CPEB4: variants seen among roughly 807,000 people sequenced by gnomAD.
The protein encoded by CPEB4 is cytoplasmic polyadenylation element-binding protein 4.
In CPEB4, 12 loss-of-function variants were observed where a neutral mutation model predicts 72.5. That is an observed-to-expected ratio of 0.17 (90% confidence interval 0.11 to 0.27). CPEB4 has a LOEUF of 0.27. Among genes scored for constraint, CPEB4 ranks in the 10% least tolerant of loss-of-function variants. CPEB4 has a pLI of 1.00. For missense variants in CPEB4, 614 were observed against 908.5 expected (o/e 0.68, Z 4.17); for synonymous variants, 302 against 326.3 (o/e 0.93, Z 0.80).
intron 2 of CPEB4, among the ~76,000 whole-genome samples, chr5:173,921,085 T>A (rs1757056141): frequency 6.6e-6 from 1 of 152,234 alleles, no homozygotes; most frequent in African/African-American, 2.4e-5. Flanking sequence ...ATGTCACTTG[T>A]GTATGCATGA....
intron 3 of CPEB4, among the ~76,000 whole-genome samples, chr5:173,939,075 C>G (rs940925470): frequency 1.3e-5 from 2 of 152,058 alleles, no homozygotes; most frequent in African/African-American, 4.8e-5. Context: ...ATTTCTTGAG[C>G]CCAGGAGTTG....
In CPEB4 at chr5:173,900,327, C is replaced by T. The variant is rs921033788; in HGVS notation, c.1125+9469C>T. 6.6e-6 allele frequency among the ~76,000 whole-genome samples: 1 copy of T among 152,084 alleles called. No individual in the cohort carries two copies. Among genetic ancestry groups the T allele is most frequent in the Non-Finnish European group, 1.5e-5 (1 of 68,008 alleles). On this transcript the variant is annotated intron_variant, in intron 1 of 9. Coordinates refer to ENST00000265085, the MANE Select transcript of CPEB4 (RefSeq NM_030627.4). This position sits in a 1 kb window ranked among gnomAD's most constrained non-coding sequence, Gnocchi z 4.4. ...GGCTGAGGCAGAATAATCACTTGAA[C>T]CCAGGAGGCAGAGGTTGCAGTGAGC... is the stretch of plus-strand genomic sequence containing the variant.
chr5:173,914,545 C>T (rs1002595657), intron 2 of CPEB4, among the ~76,000 whole-genome samples: 1 of 152,152 alleles, frequency 6.6e-6, no homozygotes, highest in Non-Finnish European at 1.5e-5. Flanking sequence ...CACCTGAGGT[C>T]AGGAGTTCGA....
In CPEB4 at chr5:173,949,979, T is replaced by C; in HGVS notation, c.1566T>C (p.Phe522=). 1.2e-6 allele frequency: 2 copies of C among 1,609,216 alleles called. No homozygotes were observed. The highest frequency in any genetic ancestry group is 1.7e-6 in the Non-Finnish European group (2 of 1,178,146). Residue 522 remains phenylalanine, a synonymous_variant, in exon 7 of 10, where the codon TTT becomes TTC. Coordinates refer to ENST00000265085, the MANE Select transcript of CPEB4 (RefSeq NM_030627.4). ...FPPKGYAFLL[F]QDESSVQALI... ...TTCCAGGCTATGCATTCCTGCTGTTTCAAGATGAAAGCTCTGTGCAGGCTC... is the reference window on the plus strand; with the variant it reads ...TTCCAGGCTATGCATTCCTGCTGTTCCAAGATGAAAGCTCTGTGCAGGCTC...
intron 1 of CPEB4, among the ~76,000 whole-genome samples, chr5:173,898,451 G>A (rs906919771): frequency 1.3e-5 from 2 of 152,232 alleles, no homozygotes; most frequent in African/African-American, 4.8e-5. Context: ...TTAGCTATGT[G>A]ACCTAGGCAA....
At chr5:173,931,059 G>A (rs576694187) in intron 2 of CPEB4, among the ~76,000 whole-genome samples, 1 of 152,066 alleles carries the variant, frequency 6.6e-6, no homozygotes, top group South Asian at 2.1e-4. Flanking sequence ...TCAAGTTTTG[G>A]ATATGGATTA....
rs764887099 is a variant in CPEB4, at chr5:173,950,030, T to C, written c.1617T>C (p.Asp539=). 1.9e-6 allele frequency: 3 copies of C among 1,612,338 alleles called. No homozygotes were observed. Among genetic ancestry groups the C allele is most frequent in the East Asian group, 2.2e-5 (1 of 44,796 alleles). The change falls in exon 7 of 10, where the codon GAT becomes GAC. Residue 539 remains aspartate (D), a synonymous_variant. Coordinates refer to ENST00000265085, the MANE Select transcript of CPEB4 (RefSeq NM_030627.4). This position sits in a 1 kb window ranked among gnomAD's most constrained non-coding sequence, Gnocchi z 5.0. ...TCATTGATGCATGCATTGAAGAAGA[T>C]GGAAAACTCTACCTTTGTGTATCAA... The part of the protein sequence containing the change: ...QALIDACIEE[D]GKLYLCVSSP...
At chr5:173,949,884 G>C in intron 6 of CPEB4, 76 bp from the exon 7 acceptor site, 1 of 976,700 alleles carries the variant, frequency 1.0e-6, no homozygotes, top group Non-Finnish European at 1.6e-6. Flanking sequence ...CTTTAGTTTT[G>C]TGCATGATTC....
chr5:173,938,225 T>C (rs963232234), intron 3 of CPEB4, among the ~76,000 whole-genome samples: 2 of 152,170 alleles, frequency 1.3e-5, no homozygotes, highest in African/African-American at 4.8e-5. Context: ...GGTTGTTTTG[T>C]TTTGTTTTGT....
chr5:173,890,760 A>G lies in CPEB4; in HGVS notation c.1027A>G (p.Ile343Val), dbSNP rs764443085. 16 of 1,614,202 alleles carry G rather than the reference A, an allele frequency of 9.9e-6. No individual in the cohort carries two copies. The highest frequency in any genetic ancestry group is 1.4e-5 in the Non-Finnish European group (16 of 1,180,030). Reference sequence around the variant, plus strand: ...GAAGAAAAATTTTGCAAGCAATCATATTCAGCTCCAGAAGTATGCTCGCCC... The same window carrying G: ...GAAGAAAAATTTTGCAAGCAATCATGTTCAGCTCCAGAAGTATGCTCGCCC... ...PLKKNFASNH[I>V]QLQKYARPSS... is the part of the protein sequence containing the mutation. Residue 343 changes from isoleucine (I) to valine (V), a missense_variant, in exon 1 of 10, where the codon ATT becomes GTT. By Grantham distance (29) the Ile-to-Val change is conservative. Coordinates refer to ENST00000265085, the MANE Select transcript of CPEB4 (RefSeq NM_030627.4).
rs1403882565 is a variant in CPEB4, at chr5:173,943,037, G to A, written c.1270G>A (p.Gly424Arg). 4.3e-6 allele frequency: 7 copies of A among 1,610,884 alleles called. No individual in the cohort carries two copies. The highest frequency in any genetic ancestry group is 2.2e-5 in the East Asian group (1 of 44,634). Residue 424 changes from glycine (G) to arginine (R), a missense_variant, in exon 4 of 10, where the codon GGG becomes AGG. Coordinates refer to ENST00000265085, the MANE Select transcript of CPEB4 (RefSeq NM_030627.4). ...SSLLINARTYGRRRGQSSLFP... is the reference protein window; with the variant it reads ...SSLLINARTYRRRRGQSSLFP... Reference sequence around the variant, plus strand: ...CATTTGACATGCAGCAAGGACATATGGGCGAAGGAGAGGTAACATTGTTTT... The same window carrying A: ...CATTTGACATGCAGCAAGGACATATAGGCGAAGGAGAGGTAACATTGTTTT...
intron 2 of CPEB4, among the ~76,000 whole-genome samples, chr5:173,914,822 GA>G (rs199554421): frequency 8.6e-5 from 13 of 150,950 alleles, no homozygotes; most frequent in Middle Eastern, 3.4e-3. Context: ...ATACCACTCA[GA>G]AAAAAAAATT....
At chr5:173,925,929 C>T (rs975458024) in intron 2 of CPEB4, among the ~76,000 whole-genome samples, 3 of 152,208 alleles carry the variant, frequency 2.0e-5, no homozygotes, top group African/African-American at 7.2e-5. Flanking sequence ...TGCAAACACC[C>T]TGCTTTTCTT....
chr5:173,940,302 T>C (rs1333867859), intron 3 of CPEB4, among the ~76,000 whole-genome samples: 1 of 152,192 alleles, frequency 6.6e-6, no homozygotes, highest in African/African-American at 2.4e-5. Context: ...CTTAGAACTT[T>C]TCCAAAATGT....
chr5:173,946,713 A>C (rs1758026382), intron 5 of CPEB4, among the ~76,000 whole-genome samples: 1 of 152,176 alleles, frequency 6.6e-6, no homozygotes, highest in South Asian at 2.1e-4. Flanking sequence ...CCTGTACGTC[A>C]GACAAGTGGG....
At chr5:173,925,373 T>A (rs1423881850) in intron 2 of CPEB4, among the ~76,000 whole-genome samples, 1 of 152,218 alleles carries the variant, frequency 6.6e-6, no homozygotes, top group Non-Finnish European at 1.5e-5. Context: ...TCTCAGCCAG[T>A]TCCTTCTTTG....
At chr5:173,906,560 G>A (rs1486723149) in intron 1 of CPEB4, among the ~76,000 whole-genome samples, 1 of 152,184 alleles carries the variant, frequency 6.6e-6, no homozygotes, top group Non-Finnish European at 1.5e-5. Flanking sequence ...TGAAGTACTT[G>A]TGTCATCGGA....
chr5:173,914,738 A>T (rs1581128198), intron 2 of CPEB4, among the ~76,000 whole-genome samples: 1 of 152,206 alleles, frequency 6.6e-6, no homozygotes, highest in East Asian at 1.9e-4. Flanking sequence ...CCTGGGCAAC[A>T]GAAGAGAGAG....
chr5:173,901,377 A>G (rs1561606829), intron 1 of CPEB4, among the ~76,000 whole-genome samples: 1 of 152,234 alleles, frequency 6.6e-6, no homozygotes, highest in Non-Finnish European at 1.5e-5. Flanking sequence ...TACCTTCATT[A>G]CAGGAGCTAT....
Sources: allele counts gnomAD v4.1 joint callset (sites outside exome capture counted in the v4.1 genomes callset), GRCh38; gene constraint gnomAD v4.1.1; non-coding constraint Gnocchi (gnomAD v3.1); transcripts MANE v1.5; gene names NCBI Gene and HGNC (gene_info 2026-07-23, HGNC 2026-07-21).